TXNRD1: variants seen among roughly 807,000 people sequenced by gnomAD.
TXNRD1 encodes the protein thioredoxin reductase 1.
TXNRD1 carries 57 observed loss-of-function variants against 80.3 expected under a neutral mutation model. That is an observed-to-expected ratio of 0.71 (90% CI 0.57 to 0.89). The LOEUF is 0.89. Ranked by LOEUF, TXNRD1 falls within the 40% of genes least tolerant of loss-of-function variation. The probability of loss-of-function intolerance (pLI) is 0.00; values close to 1 mark genes in which losing one functional copy is unlikely to be tolerated. For missense variants in TXNRD1, 730 were observed against 803.0 expected, an observed-to-expected ratio of 0.91 and a Z score of 1.10; for synonymous variants, 291 against 285.2, an observed-to-expected ratio of 1.02 and a Z score of -0.20.
chr12:104,254,675 T>A lies in TXNRD1; in HGVS notation c.243+2997T>A, dbSNP rs1418186187. 7.7e-5 allele frequency among the ~76,000 whole-genome samples: 10 copies of A among 129,618 alleles called. No individual in the cohort carries two copies. In the East Asian group the frequency reaches 2.1e-3, roughly 27 times the overall value. 85.0% of individuals were successfully genotyped at this position (129,618 alleles called of 152,430 possible). ...TATATATATATATATATCAGCATGGTTTGCATGTGCCTGTAGTCCTAGCTT... is the reference window on the plus strand; with the variant it reads ...TATATATATATATATATCAGCATGGATTGCATGTGCCTGTAGTCCTAGCTT... On this transcript the variant is annotated intron_variant, in intron 2 of 16. Transcript: ENST00000525566.
Position 104,288,830 on chromosome 12 carries a change from G to A in TXNRD1, c.305-101G>A, listed in dbSNP as rs2034068077. On this transcript the variant is annotated intron_variant, in intron 3 of 16. Coordinates refer to ENST00000525566, the MANE Select transcript of TXNRD1 (RefSeq NM_001093771.3). ...AGGGAGTCAACAGAGGGCACGCGGT[G>A]CCTGCGGGGCCGGGACGGAAGCCCC... The A allele has an allele frequency of 3.1e-6, 5 of 1,609,276 alleles. No individual in the cohort carries two copies. The East Asian group carries it at 8.9e-5, about 29-fold the overall frequency.
chr12:104,335,585 T>A (rs1174829271), intron 15 of TXNRD1, among the ~76,000 whole-genome samples: 5 of 152,140 alleles, frequency 3.3e-5, no homozygotes, highest in African/African-American at 1.2e-4. Flanking sequence ...ATATATGAAA[T>A]GAGGGATTGG....
At chr12:104,327,822 G>GAC (rs2035817450) in intron 13 of TXNRD1, among the ~76,000 whole-genome samples, 151 bp downstream of exon 13, 1 of 149,974 alleles carries the variant, frequency 6.7e-6, no homozygotes, top group Non-Finnish European at 1.5e-5. Flanking sequence ...TTGTATTCCA[G>GAC]ACAAGATATT....
intron 14 of TXNRD1, 111 bp downstream of exon 14, chr12:104,331,752 T>C (rs901344921): frequency 1.5e-6 from 1 of 673,488 alleles, no homozygotes; most frequent in African/African-American, 1.8e-5. Flanking sequence ...ATATACCCGT[T>C]ATCCAGATTC....
chr12:104,257,598 G>A (rs1221522833), intron 2 of TXNRD1, among the ~76,000 whole-genome samples: 1 of 151,844 alleles, frequency 6.6e-6, no homozygotes, highest in African/African-American at 2.4e-5. Flanking sequence ...TAATAGAGAC[G>A]GGGTTTCCCC....
At chr12:104,224,209 G>T (rs1032320428) in intron 1 of TXNRD1, among the ~76,000 whole-genome samples, 1 of 151,956 alleles carries the variant, frequency 6.6e-6, no homozygotes, top group Non-Finnish European at 1.5e-5. Context: ...CTCTTTGCTG[G>T]GCAAACTCTC....
At chr12:104,283,845 G>C (rs1346806828) in intron 3 of TXNRD1, among the ~76,000 whole-genome samples, 1 of 152,046 alleles carries the variant, frequency 6.6e-6, no homozygotes, top group African/African-American at 2.4e-5. Context: ...CCTCCAGCCA[G>C]GGCAACAAGA....
intron 5 of TXNRD1, among the ~76,000 whole-genome samples, chr12:104,312,467 C>A (rs1330700048): frequency 6.6e-6 from 1 of 152,170 alleles, no homozygotes; most frequent in Non-Finnish European, 1.5e-5. Flanking sequence ...TACTGCAGAC[C>A]AGTATGTAGC....
intron 1 of TXNRD1, among the ~76,000 whole-genome samples, chr12:104,229,654 G>A (rs139734812): frequency 0.018 from 2,667 of 150,246 alleles, 43 homozygotes; most frequent in Non-Finnish European, 0.027. Flanking sequence ...GTGCAATGGC[G>A]AGATCTCAGC....
intron 3 of TXNRD1, among the ~76,000 whole-genome samples, chr12:104,277,363 G>C (rs1359373273): frequency 6.7e-6 from 1 of 148,782 alleles, no homozygotes; most frequent in East Asian, 2.0e-4. Context: ...TCGCGCCACT[G>C]CACTCCAGCC....
At chr12:104,294,215 A>G (rs2034341042) in intron 4 of TXNRD1, among the ~76,000 whole-genome samples, 1 of 86,354 alleles carries the variant, frequency 1.2e-5, no homozygotes, top group Non-Finnish European at 2.2e-5. Flanking sequence ...AGTCTTCTCT[A>G]AACTCCCCCG....
In TXNRD1 at chr12:104,333,671, A is replaced by G. The variant is rs772480640; in HGVS notation, c.1651-566A>G. Among the ~76,000 whole-genome samples the G allele has an allele frequency of 1.3e-4, 20 of 152,274 alleles. No homozygotes were observed. In the South Asian group the frequency reaches 2.5e-3, roughly 19 times the overall value. On this transcript the variant is annotated intron_variant, in intron 14 of 16. Coordinates refer to ENST00000525566, the MANE Select transcript of TXNRD1 (RefSeq NM_001093771.3). Reference sequence around the variant, plus strand: ...AAAAAATCCATTTAGTCAACCAGCAATTAAATTAGTAAGGATGCTGTCGTT... The same window carrying G: ...AAAAAATCCATTTAGTCAACCAGCAGTTAAATTAGTAAGGATGCTGTCGTT...
chr12:104,253,453 T>C (rs1485128934), intron 2 of TXNRD1, among the ~76,000 whole-genome samples: 2 of 151,954 alleles, frequency 1.3e-5, no homozygotes, highest in Non-Finnish European at 2.9e-5. Context: ...AGAAGAAAAA[T>C]GATCTCAGAT....
intron 1 of TXNRD1, among the ~76,000 whole-genome samples, chr12:104,222,505 T>A (rs1036414930): frequency 6.6e-6 from 1 of 152,166 alleles, no homozygotes; most frequent in Non-Finnish European, 1.5e-5. Flanking sequence ...AATGATGAAT[T>A]GAATTTGCTA....
At chr12:104,305,055 C>G (rs1404095051) in intron 4 of TXNRD1, 2 of 1,086,726 alleles carry the variant, frequency 1.8e-6, no homozygotes, top group African/African-American at 3.2e-5. Flanking sequence ...TCAAGAACAT[C>G]AGACATTGTT....
intron 2 of TXNRD1, among the ~76,000 whole-genome samples, chr12:104,257,691 G>A (rs2033287744): frequency 6.6e-6 from 1 of 152,092 alleles, no homozygotes. Context: ...TTACAGACGT[G>A]AGCCACCGCA....
At chr12:104,240,898 A>G (rs746295220) in intron 1 of TXNRD1, among the ~76,000 whole-genome samples, 25 of 151,848 alleles carry the variant, frequency 1.6e-4, no homozygotes, top group Admixed American at 1.6e-3. Flanking sequence ...GCCCGCCACC[A>G]TGCCTGGCTA....
intron 4 of TXNRD1, 105 bp from the exon 5 acceptor site, chr12:104,311,185 T>G: frequency 1.5e-6 from 2 of 1,314,922 alleles, no homozygotes; most frequent in Non-Finnish European, 2.0e-6. Context: ...ATCTTCCCTT[T>G]GAAAATTCCT....
At chr12:104,266,242 A>C (rs1194636935) in intron 3 of TXNRD1, among the ~76,000 whole-genome samples, 1 of 152,140 alleles carries the variant, frequency 6.6e-6, no homozygotes, top group Non-Finnish European at 1.5e-5. Flanking sequence ...TAATACTAGG[A>C]AGAGCCCCGG....
Sources: allele counts gnomAD v4.1 joint callset (sites outside exome capture counted in the v4.1 genomes callset), GRCh38; gene constraint gnomAD v4.1.1; transcripts MANE v1.5; gene names NCBI Gene and HGNC (gene_info 2026-07-23, HGNC 2026-07-21).